The following SACS variants were observed in gnomAD, a reference collection of about 807,000 sequenced individuals.
SACS encodes sacsin.
SACS carries 197 observed loss-of-function variants against 348.0 expected under a neutral mutation model. That is an observed-to-expected ratio of 0.57 (90% confidence interval 0.50 to 0.64). SACS has a LOEUF of 0.64. Ranked by LOEUF, SACS falls within the 30% of genes least tolerant of loss-of-function variation. The pLI, the probability that SACS is intolerant of heterozygous loss-of-function variation, is 0.00. For synonymous variants in SACS, 1,985 were observed against 1,910.6 expected (o/e 1.04, Z -1.02); for missense variants, 4,999 against 5,360.8 (o/e 0.93, Z 2.11).
intron 6 of SACS, among the ~76,000 whole-genome samples, chr13:23,363,197 C>A (rs1870848375): frequency 6.6e-6 from 1 of 151,266 alleles, no homozygotes; most frequent in Non-Finnish European, 1.5e-5. Flanking sequence ...GCATGAGCCA[C>A]CGCACCTGGC....
At chr13:23,389,213 G>T (rs980105844) in intron 2 of SACS, among the ~76,000 whole-genome samples, 4 of 151,914 alleles carry the variant, frequency 2.6e-5, no homozygotes, top group African/African-American at 9.7e-5. Flanking sequence ...TATAGCCTGT[G>T]TATATATATA....
intron 4 of SACS, among the ~76,000 whole-genome samples, chr13:23,368,774 C>G (rs560611562): frequency 7.9e-5 from 12 of 152,304 alleles, no homozygotes; most frequent in Non-Finnish European, 1.6e-4. Flanking sequence ...TCTCCCCTCA[C>G]TGCAAGCTCC....
intron 2 of SACS, among the ~76,000 whole-genome samples, chr13:23,401,201 G>A (rs932708273): frequency 1.3e-5 from 2 of 152,078 alleles, no homozygotes; most frequent in East Asian, 1.9e-4. Flanking sequence ...CCCCAAAATC[G>A]CTCAGGAAAA....
intron 2 of SACS, among the ~76,000 whole-genome samples, chr13:23,401,919 G>A (rs1484913626): frequency 2.6e-5 from 4 of 152,158 alleles, no homozygotes; most frequent in African/African-American, 7.2e-5. Flanking sequence ...AGTGGCTCAC[G>A]CCTCTAATCC....
Position 23,331,886 on chromosome 13 carries a change from G to T in SACS, c.11990C>A (p.Ser3997Tyr). ...GAGTAACTGCAATCTTCCTTGAAGAGAACACAACGCTCCAAACTGACAAAC... is the reference window on the plus strand; with the variant it reads ...GAGTAACTGCAATCTTCCTTGAAGATAACACAACGCTCCAAACTGACAAAC... ...PKVCQFGALCSLQGRLQLLLS... is the reference protein window; with the variant it reads ...PKVCQFGALCYLQGRLQLLLS... The change falls in exon 10 of 10, where the codon TCT becomes TAT. Residue 3997 changes from serine (S) to tyrosine (Y), a missense_variant. By Grantham distance (144) the Ser-to-Tyr change is moderately radical. Around this residue, in one of 6 missense-constraint regions of SACS, gnomAD observed 831 missense variants for 941.8 expected, o/e 0.88. Transcript: ENST00000382292. 1 of 1,613,976 alleles carries T rather than the reference G, an allele frequency of 6.2e-7. No homozygotes were observed. The highest frequency in any genetic ancestry group is 8.5e-7 in the Non-Finnish European group (1 of 1,179,912).
intron 2 of SACS, among the ~76,000 whole-genome samples, chr13:23,398,267 T>A (rs1418635394): frequency 6.6e-6 from 1 of 151,442 alleles, no homozygotes; most frequent in African/African-American, 2.4e-5. Context: ...GTGTGGTGGC[T>A]CATGCCTGTA....
chr13:23,375,936 T>G (rs1871777582), intron 2 of SACS, among the ~76,000 whole-genome samples: 1 of 152,166 alleles, frequency 6.6e-6, no homozygotes, highest in Admixed American at 6.5e-5. Flanking sequence ...CTCCTTGAAC[T>G]CTAATGACTT....
chr13:23,387,041 G>T (rs567235524), intron 2 of SACS, among the ~76,000 whole-genome samples: 3 of 152,146 alleles, frequency 2.0e-5, no homozygotes, highest in Non-Finnish European at 4.4e-5. Context: ...CAATGAAAAT[G>T]TTTAAAATAT....
intron 1 of SACS, among the ~76,000 whole-genome samples, chr13:23,421,289 A>G (rs572965081): frequency 4.9e-4 from 74 of 151,958 alleles, no homozygotes; most frequent in African/African-American, 1.7e-3. Context: ...CTGGGGCCAG[A>G]TGTCCAGCTC....
intron 1 of SACS, chr13:23,428,094 T>C (rs747245704): frequency 1.3e-5 from 2 of 152,184 alleles, no homozygotes; most frequent in Non-Finnish European, 2.9e-5. Context: ...GAGAAAGGAA[T>C]AGAGGCAGAA....
rs78642352 is a variant in SACS, at chr13:23,410,304, G to A, written c.20+916C>T. On this transcript the variant is annotated intron_variant, in intron 2 of 9. Coordinates refer to ENST00000382292, the MANE Select transcript of SACS (RefSeq NM_014363.6). ...TAATAAAAATCAAACCCATAAAGTC[G>A]TCTCAATACTCTTGTCCATTCACAC... Among the ~76,000 whole-genome samples the A allele has an allele frequency of 5.4e-3, 827 of 152,154 alleles. 10 individuals carry two copies. Among genetic ancestry groups the A allele is most frequent in the African/African-American group, 0.019 (794 of 41,532 alleles).
At chr13:23,413,008 G>A (rs1394648591) in intron 1 of SACS, among the ~76,000 whole-genome samples, 1 of 152,036 alleles carries the variant, frequency 6.6e-6, no homozygotes, top group East Asian at 1.9e-4. Flanking sequence ...AAGGAGTTTC[G>A]CTCTTTTTGC....
intron 4 of SACS, 70 bp from the exon 5 acceptor site, chr13:23,368,557 G>C (rs1566087988): frequency 3.8e-6 from 4 of 1,050,236 alleles, no homozygotes; most frequent in Non-Finnish European, 5.9e-6. Context: ...TGTGTGACTT[G>C]AATCTGAGAC....
intron 2 of SACS, among the ~76,000 whole-genome samples, chr13:23,406,620 G>A (rs921315752): frequency 4.0e-5 from 6 of 151,894 alleles, no homozygotes; most frequent in Non-Finnish European, 8.8e-5. Context: ...CCATGAATTC[G>A]TATCATGAAT....
At chr13:23,349,496 T>C (rs1869821512) in intron 9 of SACS, among the ~76,000 whole-genome samples, 4 of 152,218 alleles carry the variant, frequency 2.6e-5, no homozygotes, top group African/African-American at 7.2e-5. Context: ...CCGGATATTA[T>C]GTTAAACTAT....
At chr13:23,399,130 A>T (rs1040820657) in intron 2 of SACS, among the ~76,000 whole-genome samples, 2 of 152,038 alleles carry the variant, frequency 1.3e-5, no homozygotes, top group Non-Finnish European at 2.9e-5. Flanking sequence ...TTAATAAAAA[A>T]ACACCTAAAT....
intron 1 of SACS, among the ~76,000 whole-genome samples, chr13:23,421,229 C>T (rs934170639): frequency 6.6e-6 from 1 of 152,036 alleles, no homozygotes; most frequent in African/African-American, 2.4e-5. Flanking sequence ...TCTCCAGGGG[C>T]CTGATGTCAA....
intron 2 of SACS, among the ~76,000 whole-genome samples, chr13:23,398,556 T>C (rs1178144671): frequency 7.3e-6 from 1 of 137,424 alleles, no homozygotes; most frequent in Non-Finnish European, 1.6e-5. Context: ...AAAAAAGAAA[T>C]ACACTCGTTT....
At position 23,337,868 on chromosome 13, in the gene SACS, T is replaced by G; in HGVS notation, c.6008A>C (p.Asp2003Ala). Residue 2003 changes from aspartate (D) to alanine (A), a missense_variant, in exon 10 of 10, where the codon GAT becomes GCT. Transcript: ENST00000382292. ...TATCTTGAAGGCTGCTGAACCAACA[T>G]CTCTTCTTTTAAGTATAGAGTCATC... ...FLDDSILKRR[D>A]VGSAAFKIFL... The G allele has an allele frequency of 6.2e-7, 1 of 1,613,886 alleles. No homozygotes were observed. Among genetic ancestry groups the G allele is most frequent in the Non-Finnish European group, 8.5e-7 (1 of 1,179,942 alleles).
Sources: allele counts gnomAD v4.1 joint callset (sites outside exome capture counted in the v4.1 genomes callset), GRCh38; gene constraint gnomAD v4.1.1; regional missense constraint gnomAD v4.1.1; transcripts MANE v1.5; gene names NCBI Gene and HGNC (gene_info 2026-07-23, HGNC 2026-07-21).